The following RPTOR variants were observed in gnomAD, a reference collection of about 807,000 sequenced individuals.
RPTOR encodes regulatory associated protein of MTOR complex 1.
RPTOR carries 21 observed loss-of-function variants against 169.9 expected under a neutral mutation model. That is an observed-to-expected ratio of 0.12 (90% CI 0.09 to 0.18). RPTOR has a LOEUF of 0.18. RPTOR is among the 10% of genes least tolerant of loss of function. The pLI, the probability that RPTOR is intolerant of heterozygous loss-of-function variation, is 1.00. For missense variants in RPTOR, 1,133 were observed against 1,855.9 expected (o/e 0.61, Z 7.16); for synonymous variants, 732 against 753.2 (o/e 0.97, Z 0.46).
intron 21 of RPTOR, among the ~76,000 whole-genome samples, chr17:80,912,387 G>A (rs907572047): frequency 4.6e-5 from 7 of 152,138 alleles, no homozygotes; most frequent in Admixed American, 6.5e-5. Flanking sequence ...TGGGTATTTT[G>A]ATCATGATGA....
intron 13 of RPTOR, among the ~76,000 whole-genome samples, chr17:80,874,200 AAG>A (rs1451166417): frequency 1.4e-5 from 2 of 145,442 alleles, no homozygotes; most frequent in African/African-American, 5.2e-5. Context: ...AGAATAACTA[AAG>A]GGCTTTTTTT....
At chr17:80,779,527 C>T (rs558606195) in intron 6 of RPTOR, among the ~76,000 whole-genome samples, 2 of 152,190 alleles carry the variant, frequency 1.3e-5, no homozygotes, top group Non-Finnish European at 2.9e-5. Context: ...CCGTCGCGGT[C>T]GGAGTTTTCC....
chr17:80,840,239 T>C (rs372880142), intron 10 of RPTOR, among the ~76,000 whole-genome samples: 20 of 152,222 alleles, frequency 1.3e-4, no homozygotes, highest in African/African-American at 4.1e-4. Context: ...GTGTAGTCTT[T>C]GTGCCTGCCC....
chr17:80,961,149 C>T, intron 30 of RPTOR: 1 of 495,298 alleles, frequency 2.0e-6, no homozygotes, highest in Non-Finnish European at 3.6e-6. Context: ...CCTCCAGCGG[C>T]CTGACGGTGA....
chr17:80,834,125 G>A (rs2067537566), intron 9 of RPTOR, among the ~76,000 whole-genome samples: 1 of 152,188 alleles, frequency 6.6e-6, no homozygotes, highest in African/African-American at 2.4e-5. Flanking sequence ...TCAGCAGGCG[G>A]TGCCAGGGTG....
chr17:80,914,340 G>A (rs2068647174), intron 21 of RPTOR, among the ~76,000 whole-genome samples: 1 of 152,150 alleles, frequency 6.6e-6, no homozygotes, highest in Admixed American at 6.5e-5. Context: ...TGCTCTTGGG[G>A]GCCGGGAGCA....
At chr17:80,606,929 G>A (rs570088390) in intron 1 of RPTOR, among the ~76,000 whole-genome samples, 1 of 152,246 alleles carries the variant, frequency 6.6e-6, no homozygotes, top group African/African-American at 2.4e-5. Context: ...AATTCAACTT[G>A]AGATTTCTAG....
chr17:80,665,265 A>G (rs114637469), intron 3 of RPTOR, among the ~76,000 whole-genome samples: 4,664 of 151,694 alleles, frequency 0.031, 244 homozygotes, highest in African/African-American at 0.11. Context: ...GGAGCCCCTC[A>G]TTACCGGCGT....
intron 3 of RPTOR, among the ~76,000 whole-genome samples, chr17:80,671,038 C>T (rs1002765959): frequency 3.3e-5 from 5 of 152,282 alleles, no homozygotes; most frequent in African/African-American, 7.2e-5. Context: ...CTGGGAAGAG[C>T]GTGGGCCCTG....
chr17:80,626,228 T>C (rs2065393079), intron 2 of RPTOR, among the ~76,000 whole-genome samples: 1 of 151,978 alleles, frequency 6.6e-6, no homozygotes, highest in Non-Finnish European at 1.5e-5. Flanking sequence ...AATTGTTGTA[T>C]TTTTAGTAGA....
chr17:80,796,682 T>C (rs1165009388), intron 7 of RPTOR, among the ~76,000 whole-genome samples: 1 of 152,218 alleles, frequency 6.6e-6, no homozygotes, highest in African/African-American at 2.4e-5. Context: ...CCTCAGTCTT[T>C]ATTGAGAATA....
chr17:80,625,812 C>CG lies in RPTOR; in HGVS notation c.265+20dup. On this transcript the variant is annotated intron_variant, in intron 2 of 33. Coordinates refer to ENST00000306801, the MANE Select transcript of RPTOR (RefSeq NM_020761.3). ...TGGATCGGTGAGTATGCCTCCCTCACGCGCTGCCACAAAGGCCGTCTGGCC... is the reference window on the plus strand; with the variant it reads ...TGGATCGGTGAGTATGCCTCCCTCACGGCGCTGCCACAAAGGCCGTCTGGCC... 1 of 1,555,816 alleles carries CG rather than the reference C, an allele frequency of 6.4e-7. No homozygotes were observed. The highest frequency in any genetic ancestry group is 1.1e-5 in the South Asian group (1 of 89,946).
intron 4 of RPTOR, among the ~76,000 whole-genome samples, chr17:80,725,779 T>C (rs2066327379): frequency 6.6e-6 from 1 of 152,238 alleles, no homozygotes. Context: ...AAGGTCATTT[T>C]CCACACTGTG....
At chr17:80,637,666 G>T (rs1202058455) in intron 2 of RPTOR, among the ~76,000 whole-genome samples, 1 of 152,262 alleles carries the variant, frequency 6.6e-6, no homozygotes, top group East Asian at 1.9e-4. Flanking sequence ...GCTGAGCAGG[G>T]AGTGTCATTT....
intron 12 of RPTOR, among the ~76,000 whole-genome samples, chr17:80,856,953 T>C (rs1374042647): frequency 1.3e-5 from 2 of 152,194 alleles, no homozygotes; most frequent in Non-Finnish European, 2.9e-5. Flanking sequence ...TCATACCTTG[T>C]TAAATGTGGC....
chr17:80,553,542 A>G (rs1326946750), intron 1 of RPTOR, among the ~76,000 whole-genome samples: 1 of 152,216 alleles, frequency 6.6e-6, no homozygotes, highest in East Asian at 1.9e-4. Flanking sequence ...TGAGATCCAT[A>G]GTGATATTAA....
rs546588922 is a variant in RPTOR at position 80,583,907 on chromosome 17, C to A, written c.162+38116C>A. Reference sequence around the variant, plus strand: ...GACCTTTGCCCAGGTGTCCATGTCACTGAGGCAGTGGCGGAGGGTGTCCCC... The same window carrying A: ...GACCTTTGCCCAGGTGTCCATGTCAATGAGGCAGTGGCGGAGGGTGTCCCC... On this transcript the variant is annotated intron_variant, in intron 1 of 33. Transcript: ENST00000306801. 9.8e-5 allele frequency among the ~76,000 whole-genome samples: 15 copies of A among 152,340 alleles called. No homozygotes were observed. In the South Asian group the frequency reaches 3.1e-3, roughly 32 times the overall value.
At chr17:80,824,359 A>G (rs2067415770) in intron 9 of RPTOR, among the ~76,000 whole-genome samples, 1 of 152,218 alleles carries the variant, frequency 6.6e-6, no homozygotes, top group Admixed American at 6.5e-5. Flanking sequence ...ACCACCGCAC[A>G]TTTATTTTTC....
Position 80,964,577 on chromosome 17 carries a change from G to A in RPTOR, c.*247G>A. ...TCCCACTGAGCACCAGCATCCAGGT[G>A]CACCCCCGCGGCCACGGCGCCTCTG... is the stretch of plus-strand genomic sequence containing the variant. On this transcript the variant is annotated 3_prime_UTR_variant, in exon 34 of 34. Transcript: ENST00000306801. The A allele has an allele frequency of 1.8e-6, 1 of 567,788 alleles. No individual in the cohort carries two copies. Among genetic ancestry groups the A allele is most frequent in the Admixed American group, 3.0e-5 (1 of 33,024 alleles). 35.2% of individuals were successfully genotyped at this position (567,788 alleles called of 1,614,324 possible).
Sources: allele counts gnomAD v4.1 joint callset (sites outside exome capture counted in the v4.1 genomes callset), GRCh38; gene constraint gnomAD v4.1.1; transcripts MANE v1.5; gene names NCBI Gene and HGNC (gene_info 2026-07-23, HGNC 2026-07-21).